Variants in N4BP2 observed in about 807,000 individuals in gnomAD.
N4BP2 encodes the protein NEDD4 binding protein 2.
In N4BP2, 91 loss-of-function variants were observed where a neutral mutation model predicts 152.8. The observed-to-expected ratio is 0.60, with a 90% CI of 0.50 to 0.71. The LOEUF is 0.71. N4BP2 is among the 30% of genes least tolerant of loss of function. The pLI is 0.00. For missense variants in N4BP2, 1,923 were observed against 2,059.1 expected (o/e 0.93, Z 1.28); for synonymous variants, 646 against 705.3 (o/e 0.92, Z 1.33).
In N4BP2 at chr4:40,121,653, A is replaced by G. The variant is rs975198310; in HGVS notation, c.3542A>G (p.His1181Arg). 2 of 1,614,166 alleles carry G rather than the reference A, an allele frequency of 1.2e-6. No homozygotes were observed. The highest frequency in any genetic ancestry group is 1.7e-6 in the Non-Finnish European group (2 of 1,180,002). ...AATTCTCCTGTGCCAGAGTTTAGCCATGGGATTGGTATTAGTAACGCTGAC... is the reference window on the plus strand; with the variant it reads ...AATTCTCCTGTGCCAGAGTTTAGCCGTGGGATTGGTATTAGTAACGCTGAC... The part of the protein sequence containing the change: ...NSNSPVPEFS[H>R]GIGISNADSQ... The change falls in exon 9 of 18, where the codon CAT (histidine) becomes CGT (arginine). Residue 1181 changes from histidine to arginine, a missense_variant. His to Arg is a conservative substitution (Grantham distance 29). Coordinates refer to ENST00000261435, the MANE Select transcript of N4BP2 (RefSeq NM_018177.6).
At chr4:40,109,074 C>G (rs551073876) in intron 5 of N4BP2, among the ~76,000 whole-genome samples, 1 of 151,912 alleles carries the variant, frequency 6.6e-6, no homozygotes, top group South Asian at 2.1e-4. Context: ...CTCAGCCTCC[C>G]GAAGTGCTGG....
intron 1 of N4BP2, among the ~76,000 whole-genome samples, chr4:40,066,500 A>G (rs1180597839): frequency 6.6e-6 from 1 of 151,306 alleles, no homozygotes; most frequent in Non-Finnish European, 1.5e-5. Flanking sequence ...TGTATTTTTT[A>G]TTAGAGATGA....
At chr4:40,147,948 G>A (rs1220376273) in intron 16 of N4BP2, among the ~76,000 whole-genome samples, 5 of 151,134 alleles carry the variant, frequency 3.3e-5, no homozygotes, top group South Asian at 4.2e-4. Flanking sequence ...GGGCAGAGAC[G>A]CTCCTCACTT....
the N4BP2 span, among the ~76,000 whole-genome samples, chr4:40,170,387 C>T: frequency 1.3e-5 from 2 of 151,802 alleles, no homozygotes; most frequent in Non-Finnish European, 2.9e-5. Context: ...GGGAGACTGA[C>T]GCAGGCAGAT....
chr4:40,136,959 C>G lies in N4BP2; in HGVS notation c.4662C>G (p.His1554Gln). ...TTTTCTACAGCTATTCATTAGAACACACAGTGCAATTTCTTAACTGTGTTC... is the reference window on the plus strand; with the variant it reads ...TTTTCTACAGCTATTCATTAGAACAGACAGTGCAATTTCTTAACTGTGTTC... ...IFKDHNYSLEHTVQFLNCVLE... is the reference protein window; with the variant it reads ...IFKDHNYSLEQTVQFLNCVLE... Residue 1554 changes from histidine (H) to glutamine (Q), a missense_variant, in exon 14 of 18, where the codon CAC (histidine) becomes CAG (glutamine). Physicochemically the swap from His to Gln is conservative, Grantham distance 24 (BLOSUM62 0). Transcript: ENST00000261435. 1 of 1,611,410 alleles carries G rather than the reference C, an allele frequency of 6.2e-7. No homozygotes were observed. Among genetic ancestry groups the G allele is most frequent in the South Asian group, 1.1e-5 (1 of 90,460 alleles).
chr4:40,162,727 G>T (rs1721890364), downstream of N4BP2, among the ~76,000 whole-genome samples: 1 of 152,128 alleles, frequency 6.6e-6, no homozygotes, highest in South Asian at 2.1e-4. Context: ...ATGTATTAGG[G>T]TTCTCCAGAA....
chr4:40,115,570 CTTAT>C (rs1717267640), intron 7 of N4BP2, among the ~76,000 whole-genome samples: 2 of 152,036 alleles, frequency 1.3e-5, no homozygotes, highest in Non-Finnish European at 2.9e-5. Context: ...TTATTTTTGT[CTTAT>C]TTAGTTATTT....
Position 40,142,864 on chromosome 4 carries a change from A to G in N4BP2, c.4974+3A>G. 5 of 1,612,610 alleles carry G rather than the reference A, an allele frequency of 3.1e-6. No homozygotes were observed. The highest frequency in any genetic ancestry group is 3.4e-6 in the Non-Finnish European group (4 of 1,179,388). ...TCGCCACCTTTTATGCCCAGCAGGT[A>G]AAGTGGAAAACTGATTATATATTTT... On this transcript the variant is annotated splice_donor_region_variant and intron_variant, in intron 15 of 17. Coordinates refer to ENST00000261435, the MANE Select transcript of N4BP2 (RefSeq NM_018177.6).
chr4:40,084,455 A>G (rs1245691255), intron 2 of N4BP2, among the ~76,000 whole-genome samples: 3 of 146,916 alleles, frequency 2.0e-5, no homozygotes, highest in African/African-American at 7.5e-5. Flanking sequence ...TTTTCCTCCG[A>G]GATGGAGTCT....
At chr4:40,174,147 C>T in the N4BP2 span, among the ~76,000 whole-genome samples, 17,225 of 151,796 alleles carry the variant, frequency 0.11, 1,433 homozygotes, top group East Asian at 0.48. Context: ...GAGGCTGAGG[C>T]GGGAGGATTG....
the N4BP2 span, among the ~76,000 whole-genome samples, chr4:40,172,499 A>G: frequency 1.3e-5 from 2 of 152,240 alleles, no homozygotes; most frequent in East Asian, 3.9e-4. Flanking sequence ...TGTCCTTATA[A>G]AAAGGAGGAA....
chr4:40,100,262 T>C, intron 3 of N4BP2: 1 of 238,258 alleles, frequency 4.2e-6, no homozygotes, highest in South Asian at 3.9e-5. Context: ...TGTTACCTAC[T>C]CTGCTGTGCT....
chr4:40,175,594 G>GTGGATCA, the N4BP2 span, among the ~76,000 whole-genome samples: 1 of 152,162 alleles, frequency 6.6e-6, no homozygotes, highest in Non-Finnish European at 1.5e-5. Context: ...GCCGAGGTGG[G>GTGGATCA]CGGCTCTTCT....
chr4:40,147,183 C>T (rs908431652), intron 16 of N4BP2, among the ~76,000 whole-genome samples: 1 of 150,354 alleles, frequency 6.7e-6, no homozygotes, highest in African/African-American at 2.5e-5. Flanking sequence ...ATCCATTTAA[C>T]CCTGAGTGGA....
downstream of N4BP2, among the ~76,000 whole-genome samples, chr4:40,163,218 A>T (rs759328813): frequency 2.0e-5 from 3 of 152,232 alleles, no homozygotes; most frequent in Non-Finnish European, 4.4e-5. Context: ...GTTTACTATG[A>T]ACTAGGCACC....
intron 2 of N4BP2, among the ~76,000 whole-genome samples, chr4:40,082,707 T>TC (rs1713510872): frequency 6.6e-6 from 1 of 151,160 alleles, no homozygotes; most frequent in Admixed American, 6.6e-5. Flanking sequence ...CTGTATTCTT[T>TC]TTTTTTTTTT....
the N4BP2 span, among the ~76,000 whole-genome samples, chr4:40,169,583 G>A: frequency 1.5e-4 from 23 of 150,934 alleles, no homozygotes; most frequent in East Asian, 5.8e-4. Flanking sequence ...AGGGAAACTC[G>A]ACATAACCAA....
intron 2 of N4BP2, among the ~76,000 whole-genome samples, chr4:40,076,091 G>T (rs1276857418): frequency 3.3e-5 from 5 of 152,192 alleles, no homozygotes; most frequent in African/African-American, 1.2e-4. Flanking sequence ...TTCCCAAAGT[G>T]CTGGAATTAG....
At chr4:40,075,913 G>T (rs1712682766) in intron 2 of N4BP2, among the ~76,000 whole-genome samples, 1 of 152,060 alleles carries the variant, frequency 6.6e-6, no homozygotes, top group South Asian at 2.1e-4. Flanking sequence ...TGCAGCCTTG[G>T]CCTCTCAGGC....
Sources: allele counts gnomAD v4.1 joint callset (sites outside exome capture counted in the v4.1 genomes callset), GRCh38; gene constraint gnomAD v4.1.1; transcripts MANE v1.5; gene names NCBI Gene and HGNC (gene_info 2026-07-23, HGNC 2026-07-21).